The following LRRN1 variants were observed in gnomAD, a reference collection of about 807,000 sequenced individuals.
LRRN1 encodes the protein leucine rich repeat neuronal 1.
A neutral mutation model predicts 45.8 loss-of-function variants in LRRN1; 14 were observed. The ratio of observed to expected loss-of-function variants is 0.31; its 90% CI spans 0.20 to 0.48. The LOEUF is 0.48. LRRN1 is among the 20% of genes least tolerant of loss of function. LRRN1 has a pLI of 0.99. For missense variants in LRRN1, 789 were observed against 874.2 expected, an observed-to-expected ratio of 0.90 and a Z score of 1.23; for synonymous variants, 359 against 330.1, an observed-to-expected ratio of 1.09 and a Z score of -0.95.
At chr3:3,808,122 A>G (rs1692801572) in intron 1 of LRRN1, among the ~76,000 whole-genome samples, 1 of 152,194 alleles carries the variant, frequency 6.6e-6, no homozygotes, top group African/African-American at 2.4e-5. Context: ...AGGATTGAGC[A>G]CTGGAGCGGA....
chr3:3,833,822 C>T (rs1184097369), intron 1 of LRRN1, among the ~76,000 whole-genome samples: 3 of 152,092 alleles, frequency 2.0e-5, no homozygotes, highest in Non-Finnish European at 4.4e-5. Context: ...GCTGTTTCTT[C>T]TGGCAAAAAA....
At chr3:3,801,611 C>A (rs1057054905) in intron 1 of LRRN1, among the ~76,000 whole-genome samples, 2 of 152,140 alleles carry the variant, frequency 1.3e-5, no homozygotes, top group African/African-American at 4.8e-5. Context: ...TTTGAAAAGA[C>A]AAGGAGTCTT....
chr3:3,846,779 A>G lies in LRRN1; in HGVS notation c.2138A>G (p.Tyr713Cys), dbSNP rs1429633337. ...ACCCAGGTCGACACATCCAGAAGCTATTACATGTGGTAACTCAGAGGATAT... is the reference window on the plus strand; with the variant it reads ...ACCCAGGTCGACACATCCAGAAGCTGTTACATGTGGTAACTCAGAGGATAT... ...KPTQVDTSRSYYMW is the reference protein window; with the variant it reads ...KPTQVDTSRSCYMW The change falls in exon 2 of 2, where the codon TAT becomes TGT. Residue 713 changes from tyrosine (Y) to cysteine (C), a missense_variant. Coordinates refer to ENST00000319331, the MANE Select transcript of LRRN1 (RefSeq NM_020873.7). This position sits in a 1 kb window ranked among gnomAD's most constrained non-coding sequence, Gnocchi z 5.7. The G allele has an allele frequency of 1.2e-6, 2 of 1,602,974 alleles. No homozygotes were observed. Among genetic ancestry groups the G allele is most frequent in the Non-Finnish European group, 1.7e-6 (2 of 1,176,508 alleles).
At position 3,816,043 on chromosome 3, in the gene LRRN1, T is replaced by C. The variant is rs996350407; in HGVS notation, c.-279+16124T>C. ...GATCTTATCATAGCATTGGATTCTT[T>C]TGTATTTTAATGGTTATGAAGGACA... On this transcript the variant is annotated intron_variant, in intron 1 of 1. Coordinates refer to ENST00000319331, the MANE Select transcript of LRRN1 (RefSeq NM_020873.7). This position sits in a 1 kb window ranked among gnomAD's most constrained non-coding sequence, Gnocchi z 4.0. 6.6e-6 allele frequency among the ~76,000 whole-genome samples: 1 copy of C among 152,186 alleles called. No homozygotes were observed. The highest frequency in any genetic ancestry group is 2.4e-5 in the African/African-American group (1 of 41,442).
In LRRN1 at chr3:3,849,251, T is replaced by C. The variant is rs1248560266; in HGVS notation, c.*2459T>C. Among the ~76,000 whole-genome samples, 2 of 152,216 alleles carry C rather than the reference T, an allele frequency of 1.3e-5. No homozygotes were observed. The highest frequency in any genetic ancestry group is 4.8e-5 in the African/African-American group (2 of 41,452). On this transcript the variant is annotated 3_prime_UTR_variant, in exon 2 of 2. Transcript: ENST00000319331. The stretch of plus-strand genomic sequence containing the variant: ...GGGAAAAACCTCAGCCGTTTCTCCA[T>C]TCTGAAGATATAGCAAGCACCGGGA...
rs1233607241 is a variant in LRRN1, at chr3:3,846,655, A to G, written c.2014A>G (p.Thr672Ala). The change falls in exon 2 of 2, where the codon ACC becomes GCC. Residue 672 changes from threonine to alanine, a missense_variant. Transcript: ENST00000319331. The surrounding 1 kb of genome is among the most constrained non-coding windows in gnomAD (Gnocchi z 5.7). ...CTCATTAAAAAAGTATATGCAAAAAACCTCTTCAATCCCACTAAATGAGCT... is the reference window on the plus strand; with the variant it reads ...CTCATTAAAAAAGTATATGCAAAAAGCCTCTTCAATCCCACTAAATGAGCT... ...HHSLKKYMQK[T>A]SSIPLNELYP... 5 of 1,613,498 alleles carry G rather than the reference A, an allele frequency of 3.1e-6. No homozygotes were observed. In the South Asian group the frequency reaches 5.5e-5, roughly 18 times the overall value.
intron 1 of LRRN1, among the ~76,000 whole-genome samples, chr3:3,811,606 A>C (rs908746923): frequency 3.3e-5 from 5 of 152,252 alleles, no homozygotes; most frequent in African/African-American, 1.2e-4. Context: ...ATACTCAGAG[A>C]TATTACTATG....
At chr3:3,842,394 G>A (rs1405337589) in intron 1 of LRRN1, among the ~76,000 whole-genome samples, 1 of 150,976 alleles carries the variant, frequency 6.6e-6, no homozygotes, top group Non-Finnish European at 1.5e-5. Context: ...GCCAGAATCT[G>A]GATTTAATTT....
Position 3,845,974 on chromosome 3 carries a change from C to T in LRRN1, c.1333C>T (p.Leu445=). ...CGTGGATATCGGCACGACGGTTTTC[C>T]TAGACTGTCGAGCCATGGCTGAGCC... ...LNVDIGTTVF[L]DCRAMAEPEP... The change falls in exon 2 of 2, where the codon CTA becomes TTA. Residue 445 remains leucine (L), a synonymous_variant. Coordinates refer to ENST00000319331, the MANE Select transcript of LRRN1 (RefSeq NM_020873.7). This position sits in a 1 kb window ranked among gnomAD's most constrained non-coding sequence, Gnocchi z 6.5. 6.2e-7 allele frequency: 1 copy of T among 1,614,044 alleles called. No individual in the cohort carries two copies. The highest frequency in any genetic ancestry group is 8.5e-7 in the Non-Finnish European group (1 of 1,179,924).
In LRRN1 at chr3:3,848,765, C is replaced by T. The variant is rs868261141; in HGVS notation, c.*1973C>T. On this transcript the variant is annotated 3_prime_UTR_variant, in exon 2 of 2. Coordinates refer to ENST00000319331, the MANE Select transcript of LRRN1 (RefSeq NM_020873.7). ...CCAGTTCGGACTCCTGCCAGTTCAG[C>T]GCTCTGCACTCCATTGATTGTTCTA... Among the ~76,000 whole-genome samples, 1 of 152,150 alleles carries T rather than the reference C, an allele frequency of 6.6e-6. No homozygotes were observed. The highest frequency in any genetic ancestry group is 2.4e-5 in the African/African-American group (1 of 41,422).
Position 3,847,581 on chromosome 3 carries a change from CAG to C in LRRN1, c.*791_*792del, listed in dbSNP as rs1693805787. The C allele has an allele frequency of 6.0e-6, 1 of 166,948 alleles. No homozygotes were observed. The highest frequency in any genetic ancestry group is 1.5e-5 in the Non-Finnish European group (1 of 68,080). The allele number at this position is 166,948 out of a possible 1,614,324, so 10.3% of individuals were successfully genotyped here. On this transcript the variant is annotated 3_prime_UTR_variant, in exon 2 of 2. Transcript: ENST00000319331. ...ACCAACACGTGGTGTATAATGAAGA[CAG>C]AACTATAATAAATTAGTTTTGTTCT...
In LRRN1 at chr3:3,816,244, C is replaced by T. The variant is rs1014650623; in HGVS notation, c.-279+16325C>T. Among the ~76,000 whole-genome samples the T allele has an allele frequency of 6.6e-6, 1 of 152,114 alleles. No homozygotes were observed. The highest frequency in any genetic ancestry group is 2.4e-5 in the African/African-American group (1 of 41,424). Reference sequence around the variant, plus strand: ...TAATTAAGGACCATCCACTAATGTGCACTGGTGGATTTATGGTTTCCAGGT... The same window carrying T: ...TAATTAAGGACCATCCACTAATGTGTACTGGTGGATTTATGGTTTCCAGGT... On this transcript the variant is annotated intron_variant, in intron 1 of 1. Coordinates refer to ENST00000319331, the MANE Select transcript of LRRN1 (RefSeq NM_020873.7). The surrounding 1 kb of genome is among the most constrained non-coding windows in gnomAD (Gnocchi z 4.0).
At chr3:3,825,365 G>C (rs554768138) in intron 1 of LRRN1, among the ~76,000 whole-genome samples, 2 of 152,306 alleles carry the variant, frequency 1.3e-5, no homozygotes, top group African/African-American at 4.8e-5. Flanking sequence ...CCTGCAGTGT[G>C]ATGGATTTGC....
rs34173470 is a variant in LRRN1 at position 3,847,383 on chromosome 3, CTTTT to C, written c.*602_*605del. The C allele has an allele frequency of 0.02, 3,067 of 153,818 alleles. 103 individuals carry two copies. Among genetic ancestry groups the C allele is most frequent in the East Asian group, 0.15 (746 of 5,054 alleles). The allele number at this position is 153,818 out of a possible 1,614,324, so 9.5% of individuals were successfully genotyped here. A position where few individuals can be genotyped will look rare whatever the true frequency, so the allele number is the denominator to read the frequency against. ...AAACAATGAATTTTCTTTTTCTTTC[CTTTT>C]TTTTTTTTTTGTTGTAATAGTTAAA... On this transcript the variant is annotated 3_prime_UTR_variant, in exon 2 of 2. Transcript: ENST00000319331.
intron 1 of LRRN1, among the ~76,000 whole-genome samples, chr3:3,830,406 G>A (rs1212340784): frequency 6.6e-6 from 1 of 152,190 alleles, no homozygotes; most frequent in Non-Finnish European, 1.5e-5. Flanking sequence ...CATCCAAAGT[G>A]CACAACCAGG....
chr3:3,813,496 T>C (rs1314395349), intron 1 of LRRN1, among the ~76,000 whole-genome samples: 4 of 152,298 alleles, frequency 2.6e-5, no homozygotes, highest in Non-Finnish European at 5.9e-5. Flanking sequence ...TGAGTTATCC[T>C]TTATTACATG....
intron 1 of LRRN1, among the ~76,000 whole-genome samples, chr3:3,814,405 T>C (rs1208022106): frequency 6.6e-6 from 1 of 151,850 alleles, no homozygotes; most frequent in East Asian, 1.9e-4. Flanking sequence ...TACCCATAAA[T>C]GGGTCCCTTG....
chr3:3,809,889 C>T (rs62247392), intron 1 of LRRN1, among the ~76,000 whole-genome samples: 49,057 of 152,026 alleles, frequency 0.32, 9,304 homozygotes, highest in East Asian at 0.61. Flanking sequence ...TCAAATCTGA[C>T]ATTTCTGCCT....
At chr3:3,811,599 C>T (rs974920292) in intron 1 of LRRN1, among the ~76,000 whole-genome samples, 1 of 152,146 alleles carries the variant, frequency 6.6e-6, no homozygotes, top group East Asian at 1.9e-4. Flanking sequence ...CTGTATTATA[C>T]TCAGAGATAT....
Sources: gnomAD v4.1 joint callset for allele counts (sites outside exome capture counted in the v4.1 genomes callset) on GRCh38, gnomAD v4.1.1 for gene constraint, Gnocchi (gnomAD v3.1) non-coding constraint, MANE v1.5 for transcripts, NCBI Gene and HGNC (gene_info 2026-07-23, HGNC 2026-07-21) for gene names.